Variants in PRKN observed in about 807,000 individuals in gnomAD.
PRKN encodes the protein parkin RBR E3 ubiquitin protein ligase, also known as E3 ubiquitin-protein ligase parkin.
PRKN carries 56 observed loss-of-function variants against 59.5 expected under a neutral mutation model. That is an observed-to-expected ratio of 0.94 (90% CI 0.76 to 1.18). PRKN has a LOEUF of 1.18. Among genes scored for constraint, PRKN ranks in the 50% most tolerant of loss-of-function variants. The probability of loss-of-function intolerance (pLI) is 0.00; values close to 1 mark genes in which losing one functional copy is unlikely to be tolerated. For missense variants in PRKN, 657 were observed against 596.4 expected, an observed-to-expected ratio of 1.10 and a Z score of -1.06; for synonymous variants, 250 against 222.1, an observed-to-expected ratio of 1.13 and a Z score of -1.12.
At chr6:161,536,705 A>C (rs1345912393) in intron 9 of PRKN, among the ~76,000 whole-genome samples, 1 of 152,230 alleles carries the variant, frequency 6.6e-6, no homozygotes, top group Non-Finnish European at 1.5e-5. Flanking sequence ...ATTTCTGATT[A>C]TACATCAGTG....
intron 1 of PRKN, among the ~76,000 whole-genome samples, chr6:162,583,445 C>T (rs1247779653): frequency 6.6e-6 from 1 of 152,144 alleles, no homozygotes; most frequent in Non-Finnish European, 1.5e-5. Flanking sequence ...CTTCGATAAA[C>T]AAACAAAACT....
At chr6:162,449,146 C>T (rs540494430) in intron 1 of PRKN, among the ~76,000 whole-genome samples, 1 of 152,266 alleles carries the variant, frequency 6.6e-6, no homozygotes, top group East Asian at 1.9e-4. Flanking sequence ...CTCAGCCTCC[C>T]TAAGTGCTGG....
At chr6:162,354,939 C>A (rs932539633) in intron 2 of PRKN, among the ~76,000 whole-genome samples, 3 of 151,684 alleles carry the variant, frequency 2.0e-5, no homozygotes, top group Non-Finnish European at 4.4e-5. Context: ...AATGCAAACA[C>A]AATTTACTTT....
intron 4 of PRKN, among the ~76,000 whole-genome samples, chr6:162,188,783 T>TTG (rs571943780): frequency 1.0e-3 from 152 of 151,916 alleles, no homozygotes; most frequent in African/African-American, 3.4e-3. Context: ...ATTTCGTTTT[T>TTG]TTTTTTTTTT....
intron 9 of PRKN, among the ~76,000 whole-genome samples, chr6:161,437,132 G>A (rs1182488082): frequency 1.3e-5 from 2 of 152,240 alleles, no homozygotes; most frequent in African/African-American, 4.8e-5. Flanking sequence ...AGCAAAGTAA[G>A]ACATTCACAA....
At position 162,422,179 on chromosome 6, in the gene PRKN, G is replaced by C. The variant is rs868076001; in HGVS notation, c.171+21131C>G. Among the ~76,000 whole-genome samples, 7 of 152,316 alleles carry C rather than the reference G, an allele frequency of 4.6e-5. No individual in the cohort carries two copies. In the South Asian group the frequency reaches 1.2e-3, roughly 27 times the overall value. On this transcript the variant is annotated intron_variant, in intron 2 of 11. Transcript: ENST00000366898. The stretch of plus-strand genomic sequence containing the variant: ...TACTTGCTAACTTCAAAGAGTTCTA[G>C]AGTTCTGTTTTCATATTTTCTGAGT...
intron 5 of PRKN, among the ~76,000 whole-genome samples, chr6:162,004,285 C>T (rs1277339063): frequency 6.6e-6 from 1 of 152,174 alleles, no homozygotes; most frequent in Non-Finnish European, 1.5e-5. Context: ...CCTGCTCCTG[C>T]TGTGTGAGAC....
At chr6:162,443,242 T>C (rs1187607094) in intron 2 of PRKN, 68 bp downstream of exon 2, 4 of 1,511,292 alleles carry the variant, frequency 2.6e-6, no homozygotes, top group East Asian at 4.5e-5. Flanking sequence ...AATGTCAGAT[T>C]GGCAGCGCAG....
At position 161,456,717 on chromosome 6, in the gene PRKN, C is replaced by A. The variant is rs770628648; in HGVS notation, c.1084-69840G>T. Among the ~76,000 whole-genome samples the A allele has an allele frequency of 6.6e-6, 1 of 152,132 alleles. No individual in the cohort carries two copies. ...AAAAGAAAGCTGCTCTTTGGGTTTG[C>A]GAATGCTGACCTGGGTCTGCTTTGT... On this transcript the variant is annotated intron_variant, in intron 9 of 11. Transcript: ENST00000366898. This position sits in a 1 kb window ranked among gnomAD's most constrained non-coding sequence, Gnocchi z 4.8.
At chr6:162,017,132 T>C (rs969436288) in intron 5 of PRKN, among the ~76,000 whole-genome samples, 3 of 152,190 alleles carry the variant, frequency 2.0e-5, no homozygotes, top group Non-Finnish European at 4.4e-5. Flanking sequence ...TTATTTTGTG[T>C]GGCTTCATGA....
intron 7 of PRKN, among the ~76,000 whole-genome samples, chr6:161,726,402 A>C (rs1446027011): frequency 1.3e-5 from 2 of 152,306 alleles, no homozygotes; most frequent in Middle Eastern, 3.4e-3. Flanking sequence ...AAAGTAACCT[A>C]TGTCGTGAAA....
chr6:161,780,939 A>T (rs1562679123), intron 7 of PRKN, among the ~76,000 whole-genome samples: 2 of 152,372 alleles, frequency 1.3e-5, no homozygotes, highest in Admixed American at 6.5e-5. Flanking sequence ...TACAGTTTTT[A>T]AAAAGGCTGA....
chr6:161,692,961 A>G (rs1434499663), intron 7 of PRKN, among the ~76,000 whole-genome samples: 5 of 150,874 alleles, frequency 3.3e-5, no homozygotes, highest in Admixed American at 2.0e-4. Context: ...AAAAAAAAAA[A>G]AAAAGAAAAA....
intron 4 of PRKN, among the ~76,000 whole-genome samples, chr6:162,183,873 A>C (rs992832900): frequency 6.6e-6 from 1 of 152,146 alleles, no homozygotes; most frequent in Admixed American, 6.6e-5. Context: ...AAATACACTT[A>C]CTAGTTCTAA....
intron 4 of PRKN, among the ~76,000 whole-genome samples, chr6:162,070,140 A>G (rs949085045): frequency 2.0e-5 from 3 of 152,242 alleles, no homozygotes; most frequent in Non-Finnish European, 4.4e-5. Flanking sequence ...TAATTTGTTC[A>G]TGTGTAACTG....
At chr6:161,961,012 C>T (rs924736428) in intron 6 of PRKN, among the ~76,000 whole-genome samples, 1 of 152,148 alleles carries the variant, frequency 6.6e-6, no homozygotes, top group Admixed American at 6.5e-5. Context: ...AAATAACATT[C>T]AAAATGTTAA....
chr6:162,290,921 T>C (rs1020294731), intron 2 of PRKN, among the ~76,000 whole-genome samples: 4 of 152,212 alleles, frequency 2.6e-5, no homozygotes, highest in Non-Finnish European at 4.4e-5. Context: ...GCCAGTTAAG[T>C]GCTCACTTTC....
chr6:161,955,637 G>A (rs149225654), intron 6 of PRKN, among the ~76,000 whole-genome samples: 8,698 of 152,230 alleles, frequency 0.057, 733 homozygotes, highest in African/African-American at 0.18. Context: ...GATCACCTGA[G>A]GTCAGGAGTT....
chr6:161,799,835 G>A (rs1562693395), intron 6 of PRKN, among the ~76,000 whole-genome samples: 1 of 152,210 alleles, frequency 6.6e-6, no homozygotes. Flanking sequence ...GACAAGCCAT[G>A]TGCAGGTCTG....
Sources: allele counts gnomAD v4.1 joint callset (sites outside exome capture counted in the v4.1 genomes callset), GRCh38; gene constraint gnomAD v4.1.1; non-coding constraint Gnocchi (gnomAD v3.1); transcripts MANE v1.5; gene names NCBI Gene and HGNC (gene_info 2026-07-23, HGNC 2026-07-21).